The following FUT8 variants were observed in gnomAD, a reference collection of about 807,000 sequenced individuals.
The protein encoded by FUT8 is alpha-(1,6)-fucosyltransferase.
A neutral mutation model predicts 71.3 loss-of-function variants in FUT8; 29 were observed. The ratio of observed to expected loss-of-function variants is 0.41; its 90% confidence interval spans 0.30 to 0.55. The LOEUF is 0.55. Among genes scored for constraint, FUT8 ranks in the 20% least tolerant of loss-of-function variants. FUT8 has a pLI of 0.34. For synonymous variants in FUT8, 254 were observed against 239.3 expected (o/e 1.06, Z -0.57); for missense variants, 544 against 702.1 (o/e 0.77, Z 2.55).
At chr14:65,469,726 C>T (rs1594666723) in intron 2 of FUT8, among the ~76,000 whole-genome samples, 1 of 152,164 alleles carries the variant, frequency 6.6e-6, no homozygotes, top group African/African-American at 2.4e-5. Context: ...AGGCAGGTCC[C>T]CATTGACTTC....
At position 65,607,957 on chromosome 14, in the gene FUT8, T is replaced by C. The variant is rs981415601; in HGVS notation, c.204-8021T>C. Among the ~76,000 whole-genome samples the C allele has an allele frequency of 3.4e-5, 5 of 149,002 alleles. No homozygotes were observed. Among genetic ancestry groups the C allele is most frequent in the Non-Finnish European group, 5.9e-5 (4 of 67,508 alleles). ...GCGCATGCCTGTAATCCCAGCTACT[T>C]GGGAAGCTGAGGCAGGAGAATCACT... On this transcript the variant is annotated intron_variant, in intron 3 of 10. Transcript: ENST00000673929. The surrounding 1 kb of genome is among the most constrained non-coding windows in gnomAD (Gnocchi z 4.1).
At chr14:65,734,470 C>T (rs1896123754) in intron 10 of FUT8, among the ~76,000 whole-genome samples, 1 of 152,158 alleles carries the variant, frequency 6.6e-6, no homozygotes, top group South Asian at 2.1e-4. Flanking sequence ...CAACTTACTA[C>T]CCAAAGATAG....
At chr14:65,738,089 A>G (rs1008734430) in intron 10 of FUT8, among the ~76,000 whole-genome samples, 1 of 152,112 alleles carries the variant, frequency 6.6e-6, no homozygotes, top group African/African-American at 2.4e-5. Flanking sequence ...CAAGAAAAGT[A>G]TTTGCATCCA....
At chr14:65,405,147 T>G in the FUT8 span, among the ~76,000 whole-genome samples, 1 of 152,146 alleles carries the variant, frequency 6.6e-6, no homozygotes, top group East Asian at 1.9e-4. Flanking sequence ...GGTAATAGGA[T>G]GGAGAGAAGC....
intron 2 of FUT8, among the ~76,000 whole-genome samples, chr14:65,547,405 G>A (rs1411489987): frequency 6.6e-6 from 1 of 151,390 alleles, no homozygotes; most frequent in Non-Finnish European, 1.5e-5. Flanking sequence ...ACTATTGTGT[G>A]TGTTGTAAAC....
At chr14:65,397,711 C>T in the FUT8 span, among the ~76,000 whole-genome samples, 2 of 152,222 alleles carry the variant, frequency 1.3e-5, no homozygotes, top group African/African-American at 2.4e-5. This position sits in a 1 kb window ranked among gnomAD's most constrained non-coding sequence, Gnocchi z 4.2. Flanking sequence ...GCTCCAGCCA[C>T]CTGTGATCCT....
chr14:65,681,003 C>A (rs1173046582), intron 7 of FUT8, among the ~76,000 whole-genome samples: 1 of 152,194 alleles, frequency 6.6e-6, no homozygotes, highest in Admixed American at 6.5e-5. Flanking sequence ...TTCTTCCTCT[C>A]TAGAGAATAT....
At chr14:65,372,549 G>C in the FUT8 span, among the ~76,000 whole-genome samples, 4 of 151,762 alleles carry the variant, frequency 2.6e-5, no homozygotes, top group African/African-American at 4.8e-5. Flanking sequence ...CCGAGTAGCT[G>C]GGATTACAGG....
rs1237605684 is a variant in FUT8, at chr14:65,681,162, CTATT to C, written c.835+11688_835+11691del. Among the ~76,000 whole-genome samples, 4 of 152,170 alleles carry C rather than the reference CTATT, an allele frequency of 2.6e-5. No individual in the cohort carries two copies. The South Asian group carries it at 8.3e-4, about 32-fold the overall frequency. On this transcript the variant is annotated intron_variant, in intron 7 of 10. Transcript: ENST00000673929. ...CTGTGAGTTCTTTAAGAAGCTTGTC[CTATT>C]TATTTTTGTTTCCTCATTGCCTAAT...
intron 7 of FUT8, among the ~76,000 whole-genome samples, chr14:65,685,172 C>T (rs1893220204): frequency 6.6e-6 from 1 of 152,074 alleles, no homozygotes. Context: ...AACGAACAAA[C>T]TTATTTTACA....
At chr14:65,739,781 A>G (rs1896402433) in intron 10 of FUT8, among the ~76,000 whole-genome samples, 1 of 152,088 alleles carries the variant, frequency 6.6e-6, no homozygotes, top group African/African-American at 2.4e-5. Context: ...AGTTTCAAGC[A>G]TATGCAGACT....
Position 65,677,151 on chromosome 14 carries a change from T to TGTGTGTGTGCGTGCGC in FUT8, c.835+7672_835+7673insTGTGTGTGCGTGCGCG. 2.2e-4 allele frequency among the ~76,000 whole-genome samples: 24 copies of TGTGTGTGTGCGTGCGC among 110,742 alleles called. No individual in the cohort carries two copies. The South Asian group carries it at 7.0e-3, about 32-fold the overall frequency. 72.7% of individuals were successfully genotyped at this position (110,742 alleles called of 152,430 possible). A position where few individuals can be genotyped will look rare whatever the true frequency, so the allele number is the denominator to read the frequency against. On this transcript the variant is annotated intron_variant, in intron 7 of 10. Coordinates refer to ENST00000673929, the MANE Select transcript of FUT8 (RefSeq NM_001371533.1). Reference sequence around the variant, plus strand: ...GTGTGTGTGTGTGTGTGTGTGTGTGTGCGCGCGCGCATGCGCGCGCACGTA... The same window carrying TGTGTGTGTGCGTGCGC: ...GTGTGTGTGTGTGTGTGTGTGTGTGTGTGTGTGTGCGTGCGCGCGCGCGCGCATGCGCGCGCACGTA...
In FUT8 at chr14:65,439,954, G is replaced by GTACATATATATATA. The variant is rs1378430231; in HGVS notation, c.-325-15665_-325-15664insCATATATATATATA. ...ATAAAGAAAATGTGTGTGTGTGTGTGTATATATATATATATATATATATAT... is the reference window on the plus strand; with the variant it reads ...ATAAAGAAAATGTGTGTGTGTGTGTGTACATATATATATATATATATATATATATATATATATAT... On this transcript the variant is annotated intron_variant, in intron 1 of 10. Transcript: ENST00000673929. 2.5e-4 allele frequency among the ~76,000 whole-genome samples: 19 copies of GTACATATATATATA among 74,972 alleles called. 2 individuals carry two copies. The East Asian group carries it at 7.9e-3, about 31-fold the overall frequency. 49.2% of individuals were successfully genotyped at this position (74,972 alleles called of 152,430 possible). A position where few individuals can be genotyped will look rare whatever the true frequency, so the allele number is the denominator to read the frequency against.
At position 65,587,697 on chromosome 14, in the gene FUT8, C is replaced by T. The variant is rs1887467269; in HGVS notation, c.203+25931C>T. Among the ~76,000 whole-genome samples, 2 of 152,144 alleles carry T rather than the reference C, an allele frequency of 1.3e-5. 1 individual carries two copies. The highest frequency in any genetic ancestry group is 4.1e-4 in the South Asian group (2 of 4,832). On this transcript the variant is annotated intron_variant, in intron 3 of 10. Coordinates refer to ENST00000673929, the MANE Select transcript of FUT8 (RefSeq NM_001371533.1). ...GTCCACTTGGACTATTAAAATATTG[C>T]TAAATATGAATATTTCTGGGGCTTA...
intron 2 of FUT8, among the ~76,000 whole-genome samples, chr14:65,491,245 C>T (rs188917311): frequency 2.0e-5 from 3 of 152,142 alleles, no homozygotes; most frequent in Non-Finnish European, 2.9e-5. Flanking sequence ...TTCTAAAGAT[C>T]GAGACCAACT....
chr14:65,460,484 T>G (rs769387297), intron 2 of FUT8, among the ~76,000 whole-genome samples: 1 of 152,210 alleles, frequency 6.6e-6, no homozygotes, highest in Non-Finnish European at 1.5e-5. Context: ...TTGGTTTTCC[T>G]TTCATTGGCC....
At chr14:65,723,717 C>T (rs1895545353) in intron 8 of FUT8, among the ~76,000 whole-genome samples, 2 of 152,122 alleles carry the variant, frequency 1.3e-5, no homozygotes, top group South Asian at 4.1e-4. Flanking sequence ...CCCTTGGTAT[C>T]AGAACTTTAC....
intron 6 of FUT8, chr14:65,646,729 C>T (rs1318948069): frequency 6.6e-6 from 1 of 152,118 alleles, no homozygotes; most frequent in Non-Finnish European, 1.5e-5. Flanking sequence ...TATCCCTCCC[C>T]TCTAATTGCC....
intron 1 of FUT8, among the ~76,000 whole-genome samples, chr14:65,451,945 G>A (rs1394103238): frequency 1.3e-5 from 2 of 152,300 alleles, no homozygotes; most frequent in Non-Finnish European, 1.5e-5. Flanking sequence ...GGAGATATAA[G>A]CTCTCACTTT....
Sources: allele counts gnomAD v4.1 joint callset (sites outside exome capture counted in the v4.1 genomes callset), GRCh38; gene constraint gnomAD v4.1.1; non-coding constraint Gnocchi (gnomAD v3.1); transcripts MANE v1.5; gene names NCBI Gene and HGNC (gene_info 2026-07-23, HGNC 2026-07-21).